CRYBA2: variants seen among roughly 807,000 people sequenced by gnomAD.
CRYBA2 encodes the protein beta-crystallin A2.
CRYBA2 carries 17 observed loss-of-function variants against 18.5 expected under a neutral mutation model. The ratio of observed to expected loss-of-function variants is 0.92; its 90% confidence interval spans 0.63 to 1.38. CRYBA2 has a LOEUF of 1.38. CRYBA2 is among the 40% of genes most tolerant of loss of function. CRYBA2 has a pLI of 0.00. For missense variants in CRYBA2, 271 were observed against 265.0 expected (o/e 1.02, Z -0.16); for synonymous variants, 101 against 106.2 (o/e 0.95, Z 0.30).
In CRYBA2 at chr2:218,992,628, G is replaced by A. The variant is rs571101728; in HGVS notation, c.162-385C>T. Among the ~76,000 whole-genome samples the A allele has an allele frequency of 7.8e-4, 119 of 152,278 alleles. 1 individual carries two copies. In the South Asian group the frequency reaches 0.015, roughly 19 times the overall value. ...CTGGGGCAGGGGTAGGGGGCGGCAG[G>A]GTGGGAAAAGCTGGGCTCTGGGAGA... On this transcript the variant is annotated intron_variant, in intron 1 of 3. Coordinates refer to ENST00000295728, the MANE Select transcript of CRYBA2 (RefSeq NM_057093.2).
chr2:218,991,088 A>C, intron 2 of CRYBA2, 94 bp from the exon 3 acceptor site: 74 of 1,548,836 alleles, frequency 4.8e-5, no homozygotes, highest in Non-Finnish European at 5.7e-5. Context: ...ACTGCACCTC[A>C]CAAGCTGTGA....
In CRYBA2 at chr2:218,992,132, C is replaced by G. The variant is rs1157257441; in HGVS notation, c.273G>C (p.Gln91His). Residue 91 changes from glutamine to histidine, a missense_variant, in exon 2 of 4, where the codon CAG becomes CAC. Physicochemically the swap from Gln to His is conservative, Grantham distance 24. Coordinates refer to ENST00000295728, the MANE Select transcript of CRYBA2 (RefSeq NM_057093.2). ...AGAGCACTGGCCGGAAGGACAGCAG[C>G]TGGTTGCTGTTGTGGCTGCTGCTGC... is the stretch of plus-strand genomic sequence containing the variant. ...WSGSSSHNSN[Q>H]LLSFRPVLCA... The G allele has an allele frequency of 8.1e-6, 13 of 1,613,402 alleles. No homozygotes were observed. Among genetic ancestry groups the G allele is most frequent in the Non-Finnish European group, 1.1e-5 (13 of 1,179,908 alleles).
rs745885330 is a variant in CRYBA2, at chr2:218,993,039, G to C, written c.138C>G (p.Arg46=). The change falls in exon 1 of 4, where the codon CGC becomes CGG. Residue 46 remains arginine (R), a synonymous_variant. Coordinates refer to ENST00000295728, the MANE Select transcript of CRYBA2 (RefSeq NM_057093.2). The surrounding 1 kb of genome is among the most constrained non-coding windows in gnomAD (Gnocchi z 7.7). ...ACACGCCGTTTTCCACCTTGACCGA[G>C]CGCACCCTGGGCAGGCCTCCGCGCT... is the stretch of plus-strand genomic sequence containing the variant. ...VCERGGLPRV[R]SVKVENGVWV... The C allele has an allele frequency of 5.0e-6, 8 of 1,607,332 alleles. No homozygotes were observed. In the Admixed American group the frequency reaches 1.3e-4, roughly 27 times the overall value.
intron 3 of CRYBA2, 132 bp from the exon 4 acceptor site, chr2:218,990,531 T>C: frequency 8.5e-7 from 1 of 1,173,064 alleles, no homozygotes; most frequent in South Asian, 1.5e-5. Context: ...TTTCCCTCCG[T>C]GGCTCTCTCC....
At chr2:218,990,513 G>T in intron 3 of CRYBA2, 114 bp from the exon 4 acceptor site, 1 of 1,313,644 alleles carries the variant, frequency 7.6e-7, no homozygotes, top group Non-Finnish European at 1.0e-6. Flanking sequence ...CAAAATCATT[G>T]CTTCAACTTT....
intron 3 of CRYBA2, 22 bp from the exon 4 acceptor site, chr2:218,990,421 G>A: frequency 1.2e-6 from 2 of 1,613,474 alleles, no homozygotes; most frequent in Non-Finnish European, 1.7e-6. Context: ...AGGGTACAGA[G>A]GCAGGGAGTA....
In CRYBA2 at chr2:218,993,384, G is replaced by C; in HGVS notation, c.-208C>G. The stretch of plus-strand genomic sequence containing the variant: ...AGCAGAGGGCATTCACCGGGTGGGT[G>C]AGCGCGGCACGCGAGGGAAATGGAC... On this transcript the variant is annotated 5_prime_UTR_variant, in exon 1 of 4. Transcript: ENST00000295728. The surrounding 1 kb of genome is among the most constrained non-coding windows in gnomAD (Gnocchi z 7.7). 1.8e-6 allele frequency: 1 copy of C among 555,218 alleles called. No individual in the cohort carries two copies. Among genetic ancestry groups the C allele is most frequent in the Non-Finnish European group, 3.1e-6 (1 of 321,014 alleles). 34.4% of individuals were successfully genotyped at this position (555,218 alleles called of 1,614,324 possible).
chr2:218,993,248 C>T lies in CRYBA2; in HGVS notation c.-72G>A, dbSNP rs181897686. On this transcript the variant is annotated 5_prime_UTR_variant, in exon 1 of 4. Coordinates refer to ENST00000295728, the MANE Select transcript of CRYBA2 (RefSeq NM_057093.2). The surrounding 1 kb of genome is among the most constrained non-coding windows in gnomAD (Gnocchi z 7.7). ...AGCCCCGTTTCGAGCCACACACAGC[C>T]TGCCCAACCTGGGTAGCGGATGAAG... The T allele has an allele frequency of 5.4e-4, 785 of 1,446,730 alleles. 5 individuals carry two copies. The African/African-American group carries it at 0.01, about 19-fold the overall frequency. The allele number at this position is 1,446,730 out of a possible 1,614,324, so 89.6% of individuals were successfully genotyped here. A position where few individuals can be genotyped will look rare whatever the true frequency, so the allele number is the denominator to read the frequency against.
chr2:218,991,314 TC>T, intron 2 of CRYBA2: 1 of 252,928 alleles, frequency 4.0e-6, no homozygotes, highest in Non-Finnish European at 7.5e-6. Flanking sequence ...AAATCAGAGG[TC>T]CTTAGAGAAA....
Position 218,990,246 on chromosome 2 carries a change from T to G in CRYBA2, c.*6A>C. 1 of 1,614,086 alleles carries G rather than the reference T, an allele frequency of 6.2e-7. No homozygotes were observed. Among genetic ancestry groups the G allele is most frequent in the South Asian group, 1.1e-5 (1 of 91,078 alleles). ...TCCTCAGGGAAGGTGTCTGGGGCCG[T>G]GGAGCCTAGTGCTGGACTCTCCGGA... On this transcript the variant is annotated 3_prime_UTR_variant, in exon 4 of 4. Transcript: ENST00000295728.
chr2:218,990,882 T>C lies in CRYBA2; in HGVS notation c.416A>G (p.Asp139Gly). 6.2e-7 allele frequency: 1 copy of C among 1,614,070 alleles called. No homozygotes were observed. The highest frequency in any genetic ancestry group is 8.5e-7 in the Non-Finnish European group (1 of 1,179,998). The change falls in exon 3 of 4, where the codon GAT becomes GGT. Residue 139 changes from aspartate to glycine, a missense_variant. Asp to Gly is a moderately conservative substitution (Grantham distance 94). Transcript: ENST00000295728. ...GGAGCTGACTTTGAGGGAACCCACA[T>C]CCTTGCTGGCCCAGCCCATGGAGGG... ...SLPSMGWASK[D>G]VGSLKVSSGA...
chr2:218,992,425 CT>C (rs1487612280), intron 1 of CRYBA2, among the ~76,000 whole-genome samples, 182 bp from the exon 2 acceptor site: 4 of 152,198 alleles, frequency 2.6e-5, no homozygotes, highest in Non-Finnish European at 5.9e-5. Flanking sequence ...CCAAAACCTG[CT>C]GCTTTCTGGG....
In CRYBA2 at chr2:218,993,133, G is replaced by A. The variant is rs1183915975; in HGVS notation, c.44C>T (p.Thr15Met). 1 of 1,610,872 alleles carries A rather than the reference G, an allele frequency of 6.2e-7. No individual in the cohort carries two copies. Among genetic ancestry groups the A allele is most frequent in the Admixed American group, 1.7e-5 (1 of 59,872 alleles). The change falls in exon 1 of 4, where the codon ACG becomes ATG. Residue 15 changes from threonine to methionine, a missense_variant. Physicochemically the swap from Thr to Met is moderately conservative, Grantham distance 81. Transcript: ENST00000295728. This position sits in a 1 kb window ranked among gnomAD's most constrained non-coding sequence, Gnocchi z 7.7. Reference protein sequence around the residue: ...PAPGPAPASLTLWDEEDFQGR... With the variant: ...PAPGPAPASLMLWDEEDFQGR... Reference sequence around the variant, plus strand: ...CTGGAAGTCCTCCTCGTCCCAGAGCGTGAGGCTGGCGGGCGCCGGGCCCGG... The same window carrying A: ...CTGGAAGTCCTCCTCGTCCCAGAGCATGAGGCTGGCGGGCGCCGGGCCCGG...
Position 218,993,224 on chromosome 2 carries a change from G to A in CRYBA2, c.-48C>T. On this transcript the variant is annotated 5_prime_UTR_variant, in exon 1 of 4. Coordinates refer to ENST00000295728, the MANE Select transcript of CRYBA2 (RefSeq NM_057093.2). This position sits in a 1 kb window ranked among gnomAD's most constrained non-coding sequence, Gnocchi z 7.7. ...GCACCACGCGCTCAGCGTCTCAAGA[G>A]CCCCGTTTCGAGCCACACACAGCCT... 1 of 1,533,540 alleles carries A rather than the reference G, an allele frequency of 6.5e-7. No individual in the cohort carries two copies. The highest frequency in any genetic ancestry group is 8.8e-7 in the Non-Finnish European group (1 of 1,140,770). The allele number at this position is 1,533,540 out of a possible 1,614,324, so 95.0% of individuals were successfully genotyped here. A position where few individuals can be genotyped will look rare whatever the true frequency, so the allele number is the denominator to read the frequency against.
chr2:218,990,409 T>C lies in CRYBA2; in HGVS notation c.447-10A>G, dbSNP rs772800048. The C allele has an allele frequency of 6.2e-7, 1 of 1,613,854 alleles. No homozygotes were observed. Among genetic ancestry groups the C allele is most frequent in the Non-Finnish European group, 8.5e-7 (1 of 1,179,970 alleles). ...CTGGTAGGCCACCCACCTAGGCCAG[T>C]GAGGGTACAGAGGCAGGGAGTAAGC... On this transcript the variant is annotated splice_polypyrimidine_tract_variant and intron_variant, in intron 3 of 3. Coordinates refer to ENST00000295728, the MANE Select transcript of CRYBA2 (RefSeq NM_057093.2).
At chr2:218,992,848 C>T (rs572712127) in intron 1 of CRYBA2, among the ~76,000 whole-genome samples, 168 bp downstream of exon 1, 1 of 152,284 alleles carries the variant, frequency 6.6e-6, no homozygotes, top group African/African-American at 2.4e-5. Flanking sequence ...TACACAGTTT[C>T]CCATGATTTA....
intron 2 of CRYBA2, 96 bp from the exon 3 acceptor site, chr2:218,991,090 A>G: frequency 6.5e-7 from 1 of 1,540,554 alleles, no homozygotes; most frequent in East Asian, 2.3e-5. Context: ...TGCACCTCAC[A>G]AGCTGTGAAG....
chr2:218,991,686 A>G (rs142317138), intron 2 of CRYBA2, among the ~76,000 whole-genome samples: 30 of 152,258 alleles, frequency 2.0e-4, no homozygotes, highest in Non-Finnish European at 4.1e-4. Flanking sequence ...ACACACACAA[A>G]CACACTGAGA....
At position 218,990,863 on chromosome 2, in the gene CRYBA2, G is replaced by C; in HGVS notation, c.435C>G (p.Val145=). Residue 145 remains valine (V), a synonymous_variant, in exon 3 of 4, where the codon GTC becomes GTG. Transcript: ENST00000295728. ...WASKDVGSLK[V]SSGAWVAYQY... is the part of the protein sequence containing the mutation. Reference sequence around the variant, plus strand: ...GTTCCAGGACTCACGCTCCGGAGCTGACTTTGAGGGAACCCACATCCTTGC... The same window carrying C: ...GTTCCAGGACTCACGCTCCGGAGCTCACTTTGAGGGAACCCACATCCTTGC... 3 of 1,613,804 alleles carry C rather than the reference G, an allele frequency of 1.9e-6. No individual in the cohort carries two copies. Among genetic ancestry groups the C allele is most frequent in the Non-Finnish European group, 2.5e-6 (3 of 1,179,778 alleles).
Sources: gnomAD v4.1 joint callset for allele counts (sites outside exome capture counted in the v4.1 genomes callset) on GRCh38, gnomAD v4.1.1 for gene constraint, Gnocchi (gnomAD v3.1) non-coding constraint, MANE v1.5 for transcripts, NCBI Gene and HGNC (gene_info 2026-07-23, HGNC 2026-07-21) for gene names.